The following MAPT variants were observed in gnomAD, a reference collection of about 807,000 sequenced individuals.
MAPT encodes microtubule-associated protein tau.
A neutral mutation model predicts 67.9 loss-of-function variants in MAPT; 34 were observed. The observed-to-expected ratio is 0.50, with a 90% CI of 0.38 to 0.67. The LOEUF is 0.67. MAPT is among the 30% of genes least tolerant of loss of function. The pLI, the probability that MAPT is intolerant of heterozygous loss-of-function variation, is 0.00. For missense variants in MAPT, 881 were observed against 1,115.2 expected (o/e 0.79, Z 2.99); for synonymous variants, 456 against 464.5 (o/e 0.98, Z 0.23).
intron 11 of MAPT, among the ~76,000 whole-genome samples, chr17:46,014,545 G>A (rs960804774): frequency 2.0e-5 from 3 of 152,154 alleles, no homozygotes; most frequent in Non-Finnish European, 2.9e-5. Flanking sequence ...AAGGTGAGGC[G>A]GGAGTGAAGT....
At chr17:45,978,581 G>A (rs148667733) in intron 4 of MAPT, 141 bp downstream of exon 4, 3 of 666,016 alleles carry the variant, frequency 4.5e-6, no homozygotes, top group East Asian at 5.4e-5. Flanking sequence ...CTTATCAAAG[G>A]TTGGCTACTC....
chr17:45,991,736 C>A, intron 8 of MAPT, 150 bp downstream of exon 8: 2 of 942,518 alleles, frequency 2.1e-6, no homozygotes, highest in Non-Finnish European at 1.6e-6. Context: ...GTCTTCATTG[C>A]CTTCTCAGTC....
At chr17:45,914,160 A>C (rs1259121545) in intron 1 of MAPT, among the ~76,000 whole-genome samples, 1 of 115,640 alleles carries the variant, frequency 8.6e-6, no homozygotes, top group African/African-American at 2.6e-5. Flanking sequence ...TAATTTAAAA[A>C]GACTGCTGAT....
At chr17:45,974,434 C>T (rs1445588085) in intron 3 of MAPT, 27 of 1,610,326 alleles carry the variant, frequency 1.7e-5, no homozygotes, top group Middle Eastern at 3.3e-4. Flanking sequence ...AGCAGGCTGC[C>T]GCGCAGCCCC....
chr17:45,939,064 T>C (rs938037347), intron 1 of MAPT, among the ~76,000 whole-genome samples: 1 of 152,152 alleles, frequency 6.6e-6, no homozygotes, highest in Non-Finnish European at 1.5e-5. Flanking sequence ...TCCACCAACC[T>C]CAGCCTCTCA....
At chr17:45,953,996 G>A (rs982610618) in intron 1 of MAPT, among the ~76,000 whole-genome samples, 12 of 152,232 alleles carry the variant, frequency 7.9e-5, no homozygotes, top group Middle Eastern at 3.4e-3. Context: ...TGCTAAGACC[G>A]ATTCACAGTT....
At chr17:46,006,319 A>C (rs1167015377) in intron 9 of MAPT, among the ~76,000 whole-genome samples, 1 of 152,210 alleles carries the variant, frequency 6.6e-6, no homozygotes, top group Admixed American at 6.5e-5. Context: ...ACATTATGTT[A>C]AGTGAAATAA....
chr17:46,008,470 T>C (rs1403638963), intron 9 of MAPT, among the ~76,000 whole-genome samples: 1 of 152,186 alleles, frequency 6.6e-6, no homozygotes, highest in Non-Finnish European at 1.5e-5. Flanking sequence ...CAGGGGTAGT[T>C]ATATATAAAT....
At chr17:45,989,651 AAAAAAG>A (rs910308098) in intron 6 of MAPT, among the ~76,000 whole-genome samples, 34 of 152,332 alleles carry the variant, frequency 2.2e-4, no homozygotes, top group East Asian at 3.9e-4. Context: ...ACTCCGTCTC[AAAAAAG>A]AAAAAGAAAA....
intron 1 of MAPT, among the ~76,000 whole-genome samples, chr17:45,942,358 G>A (rs891940603): frequency 1.5e-4 from 23 of 152,322 alleles, no homozygotes; most frequent in Middle Eastern, 3.4e-3. Flanking sequence ...ACCAGGACAC[G>A]GTTTTGGCTC....
chr17:45,921,359 C>A (rs1480707985), intron 1 of MAPT, among the ~76,000 whole-genome samples: 1 of 152,198 alleles, frequency 6.6e-6, no homozygotes, highest in East Asian at 1.9e-4. Flanking sequence ...AGAAGACAAA[C>A]CTGGTCAGAG....
Position 45,958,469 on chromosome 17 carries a change from C to T in MAPT, c.-17-3852C>T, listed in dbSNP as rs570108269. On this transcript the variant is annotated intron_variant, in intron 1 of 12. Coordinates refer to ENST00000262410, the MANE Select transcript of MAPT (RefSeq NM_001377265.1). ...GCGCGGCGGCTCATGCCTGTAATCC[C>T]AGCACTTTGGAAGGCTGAAGCAGGC... Among the ~76,000 whole-genome samples the T allele has an allele frequency of 4.6e-5, 7 of 152,300 alleles. No homozygotes were observed. In the South Asian group the frequency reaches 1.4e-3, roughly 32 times the overall value.
intron 1 of MAPT, among the ~76,000 whole-genome samples, chr17:45,910,583 T>A (rs2064703303): frequency 6.6e-6 from 1 of 152,126 alleles, no homozygotes; most frequent in Non-Finnish European, 1.5e-5. Context: ...TGCTTTTGTT[T>A]TGTTTTTCAT....
In MAPT at chr17:46,025,744, T is replaced by C. The variant is rs1046946693; in HGVS notation, c.*1573T>C. On this transcript the variant is annotated 3_prime_UTR_variant, in exon 13 of 13. Transcript: ENST00000262410. The stretch of plus-strand genomic sequence containing the variant: ...GCAGGCTGGGTGTCTTGGTTGTCAG[T>C]GGTGGCACCAGGATGGAAGGGCAAG... 2.0e-5 allele frequency: 3 copies of C among 152,366 alleles called. No homozygotes were observed. Among genetic ancestry groups the C allele is most frequent in the African/African-American group, 7.2e-5 (3 of 41,454 alleles). 9.4% of individuals were successfully genotyped at this position (152,366 alleles called of 1,614,324 possible). A position where few individuals can be genotyped will look rare whatever the true frequency, so the allele number is the denominator to read the frequency against.
intron 3 of MAPT, chr17:45,974,625 A>G: frequency 3.1e-6 from 2 of 646,844 alleles, no homozygotes; most frequent in Admixed American, 2.5e-5. Flanking sequence ...GGTTGTGAGT[A>G]GCTCGATGCC....
At position 45,999,491 on chromosome 17, in the gene MAPT, G is replaced by A. The variant is rs769947333; in HGVS notation, c.1998+2827G>A. Reference sequence around the variant, plus strand: ...TCTGAGGTTGGCTTGGAAGGTGTGGGCACCATTTGGCCCAGTTCTTACAGC... The same window carrying A: ...TCTGAGGTTGGCTTGGAAGGTGTGGACACCATTTGGCCCAGTTCTTACAGC... On this transcript the variant is annotated intron_variant, in intron 9 of 12. Coordinates refer to ENST00000262410, the MANE Select transcript of MAPT (RefSeq NM_001377265.1). 5 of 1,613,902 alleles carry A rather than the reference G, an allele frequency of 3.1e-6. No homozygotes were observed. In the South Asian group the frequency reaches 5.5e-5, roughly 18 times the overall value.
chr17:45,903,714 CAA>C (rs1222023338), intron 1 of MAPT, among the ~76,000 whole-genome samples: 10 of 37,104 alleles, frequency 2.7e-4, no homozygotes, highest in African/African-American at 5.5e-4. Flanking sequence ...GACTTCTTCT[CAA>C]AAAAAAAAAA....
chr17:45,990,021 C>T lies in MAPT; in HGVS notation c.1551C>T (p.Val517=). The T allele has an allele frequency of 6.2e-7, 1 of 1,614,188 alleles. No individual in the cohort carries two copies. Among genetic ancestry groups the T allele is most frequent in the Non-Finnish European group, 8.5e-7 (1 of 1,180,040 alleles). Reference sequence around the variant, plus strand: ...AGCCACCTTCCTCTCCTAAATACGTCTCTTCTGTCACTTCCCGAACTGGCA... The same window carrying T: ...AGCCACCTTCCTCTCCTAAATACGTTTCTTCTGTCACTTCCCGAACTGGCA... ...CPEPPSSPKY[V]SSVTSRTGSS... Residue 517 remains valine, a synonymous_variant, in exon 7 of 13, where the codon GTC becomes GTT. Transcript: ENST00000262410.
chr17:45,985,725 G>A, intron 5 of MAPT: 1 of 985,466 alleles, frequency 1.0e-6, no homozygotes, highest in Non-Finnish European at 1.2e-6. Context: ...GCTGGTTGAT[G>A]TGGGCAAAAC....
Sources: gnomAD v4.1 joint callset for allele counts (sites outside exome capture counted in the v4.1 genomes callset) on GRCh38, gnomAD v4.1.1 for gene constraint, MANE v1.5 for transcripts, NCBI Gene and HGNC (gene_info 2026-07-23, HGNC 2026-07-21) for gene names.